KCNH1: variants seen among roughly 807,000 people sequenced by gnomAD.
KCNH1 encodes voltage-gated delayed rectifier potassium channel KCNH1.
KCNH1 carries 27 observed loss-of-function variants against 69.2 expected under a neutral mutation model. The observed-to-expected ratio is 0.39, with a 90% CI of 0.29 to 0.54. The LOEUF (loss-of-function observed/expected upper bound fraction) is 0.54, where lower values mean the gene tolerates loss of function less well. Ranked by LOEUF, KCNH1 falls within the 20% of genes least tolerant of loss-of-function variation. The pLI is 0.68. For missense variants in KCNH1, 798 were observed against 1,261.6 expected, an observed-to-expected ratio of 0.63 and a Z score of 5.57; for synonymous variants, 456 against 487.7, an observed-to-expected ratio of 0.93 and a Z score of 0.86.
intron 7 of KCNH1, among the ~76,000 whole-genome samples, chr1:210,855,799 A>G (rs1201700973): frequency 1.3e-5 from 2 of 152,160 alleles, no homozygotes; most frequent in African/African-American, 4.8e-5. Context: ...AATATAGCCC[A>G]CTTTTCCCCT....
chr1:210,967,611 C>T lies in KCNH1; in HGVS notation c.1033-47542G>A, dbSNP rs371487802. ...TTTATTCTTCATATTTCCTGATATA[C>T]GGATCTGTTTCTCTTCAGTTCCATC... On this transcript the variant is annotated intron_variant, in intron 6 of 10. Transcript: ENST00000271751. Among the ~76,000 whole-genome samples, 42 of 152,198 alleles carry T rather than the reference C, an allele frequency of 2.8e-4. No individual in the cohort carries two copies. The East Asian group carries it at 3.9e-3, about 14-fold the overall frequency.
At chr1:210,752,412 C>G (rs1208764129) in intron 10 of KCNH1, among the ~76,000 whole-genome samples, 1 of 152,206 alleles carries the variant, frequency 6.6e-6, no homozygotes. Flanking sequence ...ATCTCTCCGT[C>G]AAGCAGAGAG....
chr1:210,951,853 T>C (rs1237200085), intron 6 of KCNH1, among the ~76,000 whole-genome samples: 1 of 152,162 alleles, frequency 6.6e-6, no homozygotes, highest in East Asian at 1.9e-4. Context: ...AACAGCTATA[T>C]GATGCACACT....
At chr1:210,844,748 A>G (rs1379836308) in intron 7 of KCNH1, among the ~76,000 whole-genome samples, 2 of 152,222 alleles carry the variant, frequency 1.3e-5, no homozygotes, top group Non-Finnish European at 2.9e-5. Flanking sequence ...TGAAGGAAAT[A>G]GAGACACAAA....
chr1:210,941,723 T>C (rs1687879205), intron 6 of KCNH1, among the ~76,000 whole-genome samples: 1 of 152,098 alleles, frequency 6.6e-6, no homozygotes, highest in Admixed American at 6.5e-5. Flanking sequence ...CCATGATGTC[T>C]CTCAGTGTGA....
intron 9 of KCNH1, 39 bp downstream of exon 9, chr1:210,797,469 C>T (rs747964213): frequency 6.3e-7 from 1 of 1,599,552 alleles, no homozygotes. Context: ...CTAAGCCAAC[C>T]CCAGATACCT....
intron 6 of KCNH1, among the ~76,000 whole-genome samples, chr1:210,996,165 C>T (rs921260741): frequency 8.5e-5 from 13 of 152,160 alleles, no homozygotes; most frequent in African/African-American, 2.4e-4. Context: ...GCATTGTGCA[C>T]GAGCCGAAGC....
At chr1:211,046,923 A>T (rs1690102821) in intron 5 of KCNH1, among the ~76,000 whole-genome samples, 3 of 152,232 alleles carry the variant, frequency 2.0e-5, no homozygotes, top group African/African-American at 7.2e-5. Context: ...TGGAAATAAA[A>T]TGCAAGCCAC....
chr1:210,978,645 G>C (rs1327894313), intron 6 of KCNH1, among the ~76,000 whole-genome samples: 1 of 152,158 alleles, frequency 6.6e-6, no homozygotes, highest in Non-Finnish European at 1.5e-5. Flanking sequence ...GTCTCCCTCA[G>C]TGTGTGTGGT....
intron 7 of KCNH1, chr1:210,862,076 G>A: frequency 1.2e-6 from 1 of 848,242 alleles, no homozygotes; most frequent in Non-Finnish European, 2.1e-6. Flanking sequence ...GCTGTTTCTT[G>A]ACCAGGCCAA....
At chr1:211,002,626 T>A (rs779454786) in intron 6 of KCNH1, among the ~76,000 whole-genome samples, 3 of 152,012 alleles carry the variant, frequency 2.0e-5, no homozygotes, top group Non-Finnish European at 2.9e-5. Flanking sequence ...AACTTAAAAC[T>A]ATAAAATAAG....
chr1:211,022,469 C>T (rs1004791720), intron 5 of KCNH1, among the ~76,000 whole-genome samples: 2 of 151,982 alleles, frequency 1.3e-5, no homozygotes, highest in African/African-American at 4.8e-5. Context: ...CAAAAATAGC[C>T]AAATAGGATT....
At chr1:210,742,713 G>T (rs554777500) in intron 10 of KCNH1, among the ~76,000 whole-genome samples, 1 of 152,186 alleles carries the variant, frequency 6.6e-6, no homozygotes, top group Admixed American at 6.5e-5. Context: ...GGCTCAAGGA[G>T]AAGCTGTCTG....
At chr1:211,011,834 C>G (rs1689401248) in intron 6 of KCNH1, among the ~76,000 whole-genome samples, 1 of 152,202 alleles carries the variant, frequency 6.6e-6, no homozygotes, top group Admixed American at 6.5e-5. Flanking sequence ...AGAGGCATGT[C>G]TCCTCCACAA....
At chr1:211,032,256 A>G (rs1689799736) in intron 5 of KCNH1, among the ~76,000 whole-genome samples, 1 of 152,226 alleles carries the variant, frequency 6.6e-6, no homozygotes, top group Admixed American at 6.5e-5. Flanking sequence ...TCAGTGAAAT[A>G]AAAGAGGATA....
rs1202079192 is a variant in KCNH1, at chr1:211,018,839, C to T, written c.976G>A (p.Gly326Arg). Residue 326 changes from glycine (G) to arginine (R), a missense_variant, in exon 6 of 11, where the codon GGG becomes AGG. Around this residue, in one of 4 missense-constraint regions of KCNH1, gnomAD observed 266 missense variants for 457.2 expected, o/e 0.58. Transcript: ENST00000271751. Reference protein sequence around the residue: ...DEVSAFMGDPGKIGFADQIPP... With the variant: ...DEVSAFMGDPRKIGFADQIPP... The stretch of plus-strand genomic sequence containing the variant: ...ATCTGATCAGCAAAACCAATCTTCC[C>T]TGGATCACCCATAAAGGCACTAACC... 3 of 1,613,772 alleles carry T rather than the reference C, an allele frequency of 1.9e-6. No homozygotes were observed. The highest frequency in any genetic ancestry group is 1.7e-6 in the Non-Finnish European group (2 of 1,179,882).
At chr1:210,716,377 A>C (rs928674301) in intron 10 of KCNH1, among the ~76,000 whole-genome samples, 1 of 144,392 alleles carries the variant, frequency 6.9e-6, no homozygotes, top group Non-Finnish European at 1.5e-5. Flanking sequence ...GGTTGCAGTG[A>C]GCAGAGATTG....
At chr1:210,876,077 G>T (rs1197083680) in intron 7 of KCNH1, among the ~76,000 whole-genome samples, 2 of 152,064 alleles carry the variant, frequency 1.3e-5, no homozygotes, top group African/African-American at 2.4e-5. Context: ...TTAAAAATTT[G>T]GGAAGGTTGC....
At chr1:210,699,749 A>G (rs1681728492) in intron 10 of KCNH1, among the ~76,000 whole-genome samples, 1 of 152,210 alleles carries the variant, frequency 6.6e-6, no homozygotes, top group African/African-American at 2.4e-5. Context: ...TCCTGGAGTA[A>G]AGAATAATAA....
Sources: gnomAD v4.1 joint callset for allele counts (sites outside exome capture counted in the v4.1 genomes callset) on GRCh38, gnomAD v4.1.1 for gene constraint, gnomAD v4.1.1 regional missense constraint, MANE v1.5 for transcripts, NCBI Gene and HGNC (gene_info 2026-07-23, HGNC 2026-07-21) for gene names.